Variants in LRP1B observed in about 807,000 individuals in gnomAD.
LRP1B encodes LDL receptor related protein 1B.
A neutral mutation model predicts 556.6 loss-of-function variants in LRP1B; 217 were observed. That is an observed-to-expected ratio of 0.39 (90% CI 0.35 to 0.44). LRP1B has a LOEUF of 0.44. Ranked by LOEUF, LRP1B falls within the 20% of genes least tolerant of loss-of-function variation. The pLI is 1.00. For missense variants in LRP1B, 5,053 were observed against 5,620.8 expected (o/e 0.90, Z 3.23); for synonymous variants, 2,047 against 1,865.8 (o/e 1.10, Z -2.50).
intron 2 of LRP1B, among the ~76,000 whole-genome samples, chr2:141,591,479 G>GT (rs1687337148): frequency 6.6e-6 from 1 of 151,766 alleles, no homozygotes; most frequent in African/African-American, 2.4e-5. Flanking sequence ...CCACTCCCAG[G>GT]TGATACAGTT....
intron 13 of LRP1B, among the ~76,000 whole-genome samples, chr2:141,014,209 GGA>G (rs1450482133): frequency 6.6e-6 from 1 of 152,018 alleles, no homozygotes; most frequent in African/African-American, 2.4e-5. Flanking sequence ...GGAGTCAAAA[GGA>G]TCCTCCTACT....
intron 41 of LRP1B, among the ~76,000 whole-genome samples, chr2:140,684,585 TTACAGA>T (rs1018159110): frequency 6.6e-5 from 10 of 152,294 alleles, no homozygotes; most frequent in African/African-American, 2.4e-4. Flanking sequence ...TATTCATAGA[TTACAGA>T]TACATTTTGT....
At chr2:142,071,525 G>A (rs1234139686) in intron 1 of LRP1B, among the ~76,000 whole-genome samples, 2 of 151,968 alleles carry the variant, frequency 1.3e-5, no homozygotes, top group East Asian at 1.9e-4. Flanking sequence ...ATAGTAATAT[G>A]TGGAAATTAC....
intron 1 of LRP1B, among the ~76,000 whole-genome samples, chr2:142,008,703 G>A (rs961189559): frequency 3.3e-5 from 5 of 150,542 alleles, no homozygotes; most frequent in Admixed American, 1.3e-4. Context: ...TTTTTTTTCC[G>A]AGTCCTCTCA....
At chr2:141,489,594 C>T (rs191210947) in intron 2 of LRP1B, among the ~76,000 whole-genome samples, 29 of 151,872 alleles carry the variant, frequency 1.9e-4, no homozygotes, top group African/African-American at 9.6e-5. Context: ...AACATAATAT[C>T]GAATCACATA....
chr2:141,304,149 A>T (rs1217613616), intron 3 of LRP1B, among the ~76,000 whole-genome samples: 10 of 152,044 alleles, frequency 6.6e-5, no homozygotes, highest in Admixed American at 6.6e-4. Context: ...AGTTCCTTGT[A>T]TATTCTGGAT....
At chr2:140,868,376 A>G in intron 25 of LRP1B, 113 bp from the exon 26 acceptor site, 1 of 963,306 alleles carries the variant, frequency 1.0e-6, no homozygotes, top group South Asian at 2.3e-5. Flanking sequence ...AAGTCACAAG[A>G]GAAACAGATG....
At chr2:141,564,166 GT>G (rs1309181704) in intron 2 of LRP1B, among the ~76,000 whole-genome samples, 3 of 152,108 alleles carry the variant, frequency 2.0e-5, no homozygotes, top group African/African-American at 7.2e-5. Flanking sequence ...TGTGTTAACA[GT>G]TTTTGAAAAA....
intron 1 of LRP1B, among the ~76,000 whole-genome samples, chr2:142,043,261 A>G (rs1258803369): frequency 6.6e-6 from 1 of 151,736 alleles, no homozygotes; most frequent in East Asian, 1.9e-4. Flanking sequence ...TTGCATTGTT[A>G]TAATGGTTGT....
chr2:140,657,620 T>TACATATATATAC (rs1553507875), intron 41 of LRP1B, among the ~76,000 whole-genome samples: 5 of 137,708 alleles, frequency 3.6e-5, no homozygotes, highest in African/African-American at 1.4e-4. Flanking sequence ...TATACATACA[T>TACATATATATAC]ATATACATAC....
intron 2 of LRP1B, among the ~76,000 whole-genome samples, chr2:141,802,078 G>C (rs912930042): frequency 6.6e-6 from 1 of 152,096 alleles, no homozygotes; most frequent in Non-Finnish European, 1.5e-5. Flanking sequence ...ATGGCCACCT[G>C]CTTGCTAAAT....
intron 35 of LRP1B, among the ~76,000 whole-genome samples, chr2:140,717,239 C>T (rs185933826): frequency 6.6e-6 from 1 of 152,066 alleles, no homozygotes; most frequent in African/African-American, 2.4e-5. Context: ...TAGGGAAAAT[C>T]AACTCAACAA....
At chr2:140,545,981 G>T (rs1183613764) in intron 43 of LRP1B, among the ~76,000 whole-genome samples, 4 of 146,224 alleles carry the variant, frequency 2.7e-5, no homozygotes, top group African/African-American at 7.6e-5. Context: ...TCACCTCACT[G>T]GTTAGCTGTA....
At chr2:140,931,906 T>G (rs1455731227) in intron 20 of LRP1B, among the ~76,000 whole-genome samples, 1 of 152,158 alleles carries the variant, frequency 6.6e-6, no homozygotes, top group Non-Finnish European at 1.5e-5. Context: ...TATTAACCAA[T>G]CAACTTAACA....
intron 2 of LRP1B, among the ~76,000 whole-genome samples, chr2:141,775,124 T>A (rs1695021017): frequency 1.3e-5 from 2 of 152,202 alleles, no homozygotes; most frequent in Non-Finnish European, 2.9e-5. Context: ...CTGCAGAAGA[T>A]AAATGCAAAT....
chr2:141,443,704 G>GT (rs201300212), intron 3 of LRP1B, among the ~76,000 whole-genome samples: 1,900 of 152,252 alleles, frequency 0.012, 28 homozygotes, highest in African/African-American at 0.044. Flanking sequence ...CCCATTGCTT[G>GT]TTTTTGTCAG....
chr2:140,541,524 C>G (rs954309452), intron 44 of LRP1B, among the ~76,000 whole-genome samples: 3 of 152,018 alleles, frequency 2.0e-5, no homozygotes, highest in Non-Finnish European at 2.9e-5. Context: ...TAAAAATGAA[C>G]TGCTCCTGTG....
At chr2:141,926,994 G>A (rs568685526) in intron 1 of LRP1B, among the ~76,000 whole-genome samples, 2 of 152,190 alleles carry the variant, frequency 1.3e-5, no homozygotes, top group African/African-American at 4.8e-5. Context: ...AGACTGCTTT[G>A]ATTGTTAGTG....
At chr2:141,434,097 G>T (rs1240135743) in intron 3 of LRP1B, among the ~76,000 whole-genome samples, 4 of 151,732 alleles carry the variant, frequency 2.6e-5, no homozygotes, top group African/African-American at 9.7e-5. Flanking sequence ...CCTACATGGA[G>T]TTTGTTGCAT....
Sources: gnomAD v4.1 joint callset for allele counts (sites outside exome capture counted in the v4.1 genomes callset) on GRCh38, gnomAD v4.1.1 for gene constraint, MANE v1.5 for transcripts, NCBI Gene and HGNC (gene_info 2026-07-23, HGNC 2026-07-21) for gene names.